Variants in CRB1 observed in about 807,000 individuals in gnomAD.
CRB1 encodes the protein crumbs cell polarity complex component 1.
A neutral mutation model predicts 120.0 loss-of-function variants in CRB1; 83 were observed. That is an observed-to-expected ratio of 0.69 (90% CI 0.58 to 0.83). The LOEUF (loss-of-function observed/expected upper bound fraction) is 0.83, where lower values mean the gene tolerates loss of function less well. CRB1 is among the 40% of genes least tolerant of loss of function. The pLI, the probability that CRB1 is intolerant of heterozygous loss-of-function variation, is 0.00. For missense variants in CRB1, 1,699 were observed against 1,687.6 expected (o/e 1.01, Z -0.12); for synonymous variants, 625 against 612.5 (o/e 1.02, Z -0.30).
At chr1:197,354,520 G>T (rs920946252) in intron 4 of CRB1, among the ~76,000 whole-genome samples, 1 of 152,138 alleles carries the variant, frequency 6.6e-6, no homozygotes, top group Non-Finnish European at 1.5e-5. Flanking sequence ...CTTCAAGAGT[G>T]AAGCCGCAGA....
intron 11 of CRB1, among the ~76,000 whole-genome samples, chr1:197,448,917 C>T (rs560227668): frequency 2.6e-5 from 4 of 152,206 alleles, no homozygotes; most frequent in Non-Finnish European, 5.9e-5. Context: ...TTTACAGTAA[C>T]ATGGAGATCT....
At position 197,311,698 on chromosome 1, in the gene CRB1, AGTGTGTGTGTGT is replaced by A. The variant is rs57455433; in HGVS notation, c.71-16687_71-16676del. The stretch of plus-strand genomic sequence containing the variant: ...AACACATGCATCACCTCATATAGTT[AGTGTGTGTGTGT>A]GTGTGTGTGTGTGTGTGTGTGTGTG... On this transcript the variant is annotated intron_variant, in intron 1 of 11. Coordinates refer to ENST00000367400, the MANE Select transcript of CRB1 (RefSeq NM_201253.3). 6.7e-3 allele frequency among the ~76,000 whole-genome samples: 929 copies of A among 138,972 alleles called. 11 individuals are homozygous for A. The highest frequency in any genetic ancestry group is 0.022 in the African/African-American group (828 of 37,938). The allele number at this position is 138,972 out of a possible 152,430, so 91.2% of individuals were successfully genotyped here. A position where few individuals can be genotyped will look rare whatever the true frequency, so the allele number is the denominator to read the frequency against.
At chr1:197,378,278 C>A (rs1661753855) in intron 5 of CRB1, among the ~76,000 whole-genome samples, 2 of 152,186 alleles carry the variant, frequency 1.3e-5, no homozygotes, top group Admixed American at 6.5e-5. Flanking sequence ...TTCGATCAAA[C>A]AAAATGTCCT....
At chr1:197,453,952 G>A (rs1294509847) in intron 11 of CRB1, among the ~76,000 whole-genome samples, 4 of 120,026 alleles carry the variant, frequency 3.3e-5, no homozygotes, top group African/African-American at 3.6e-5. Flanking sequence ...ATATATTATT[G>A]ATATTATTAT....
chr1:197,213,089 A>G, the CRB1 span, among the ~76,000 whole-genome samples: 2 of 152,196 alleles, frequency 1.3e-5, no homozygotes, highest in Non-Finnish European at 2.9e-5. Flanking sequence ...AATGGGAAAT[A>G]GCATTTCCCA....
chr1:197,341,993 G>A (rs1327408260), intron 2 of CRB1, among the ~76,000 whole-genome samples: 1 of 152,208 alleles, frequency 6.6e-6, no homozygotes, highest in African/African-American at 2.4e-5. Flanking sequence ...AGTGGTAGAG[G>A]TATATGGTAG....
chr1:197,250,796 G>A, the CRB1 span, among the ~76,000 whole-genome samples: 1 of 152,072 alleles, frequency 6.6e-6, no homozygotes, highest in African/African-American at 2.4e-5. Flanking sequence ...CCTCAGGGAG[G>A]AGCTGCACCT....
At chr1:197,272,159 A>T (rs1030882961) in intron 1 of CRB1, among the ~76,000 whole-genome samples, 2 of 152,172 alleles carry the variant, frequency 1.3e-5, no homozygotes, top group Non-Finnish European at 2.9e-5. Context: ...TTCATTAGGG[A>T]GTAATCACAT....
intron 5 of CRB1, among the ~76,000 whole-genome samples, chr1:197,387,990 C>A (rs971952089): frequency 2.0e-5 from 3 of 151,636 alleles, no homozygotes; most frequent in African/African-American, 7.3e-5. Context: ...AAACTCATCT[C>A]TCTCTCTCTC....
the CRB1 span, among the ~76,000 whole-genome samples, chr1:197,242,824 G>T: frequency 6.6e-6 from 1 of 152,118 alleles, no homozygotes; most frequent in African/African-American, 2.4e-5. Context: ...TGGTTGGTAG[G>T]TTATTTATTA....
chr1:197,284,226 G>A (rs936054246), intron 1 of CRB1, among the ~76,000 whole-genome samples: 1 of 151,874 alleles, frequency 6.6e-6, no homozygotes. Flanking sequence ...TGAAGAAAAT[G>A]CACAGGACCA....
chr1:197,258,437 A>T, the CRB1 span, among the ~76,000 whole-genome samples: 1 of 152,204 alleles, frequency 6.6e-6, no homozygotes, highest in Non-Finnish European at 1.5e-5. Context: ...CAATTCACTC[A>T]TAAAAATAAC....
At chr1:197,225,556 A>G in the CRB1 span, among the ~76,000 whole-genome samples, 1 of 152,216 alleles carries the variant, frequency 6.6e-6, no homozygotes, top group Non-Finnish European at 1.5e-5. Context: ...ACATAAATGA[A>G]TGGGCAATGA....
At chr1:197,317,807 A>G (rs148271407) in intron 1 of CRB1, among the ~76,000 whole-genome samples, 2 of 152,294 alleles carry the variant, frequency 1.3e-5, no homozygotes, top group East Asian at 3.9e-4. Context: ...AGAACAATGA[A>G]ACTAGACTCC....
At chr1:197,448,683 G>A (rs1665816569) in intron 11 of CRB1, among the ~76,000 whole-genome samples, 2 of 152,182 alleles carry the variant, frequency 1.3e-5, no homozygotes, top group Non-Finnish European at 2.9e-5. Flanking sequence ...TTCAGATCTT[G>A]TATAGACTCT....
At chr1:197,237,257 A>G in the CRB1 span, among the ~76,000 whole-genome samples, 3 of 152,212 alleles carry the variant, frequency 2.0e-5, no homozygotes, top group African/African-American at 7.2e-5. Flanking sequence ...TGTCATAACA[A>G]AATACTTTAA....
At chr1:197,358,369 C>G (rs1167157366) in intron 5 of CRB1, among the ~76,000 whole-genome samples, 1 of 152,086 alleles carries the variant, frequency 6.6e-6, no homozygotes. Context: ...CTGTGAAAGT[C>G]AAAGGACATT....
At chr1:197,433,136 T>C (rs1302406618) in intron 8 of CRB1, among the ~76,000 whole-genome samples, 1 of 151,834 alleles carries the variant, frequency 6.6e-6, no homozygotes, top group Non-Finnish European at 1.5e-5. Flanking sequence ...CTTCAAGCTA[T>C]CCACCCTCCT....
At position 197,453,578 on chromosome 1, in the gene CRB1, A is replaced by G. The variant is rs1266620416; in HGVS notation, c.4005+11286A>G. On this transcript the variant is annotated intron_variant, in intron 11 of 11. Coordinates refer to ENST00000367400, the MANE Select transcript of CRB1 (RefSeq NM_201253.3). ...GAGAGAGAGAGAGAGAGGGAGAGGG[A>G]GAGAGAGAGAGAGAGAGAGACAAGG... Among the ~76,000 whole-genome samples the G allele has an allele frequency of 6.6e-4, 92 of 138,764 alleles. 1 individual carries two copies. Among genetic ancestry groups the G allele is most frequent in the African/African-American group, 2.3e-3 (88 of 37,754 alleles). The allele number at this position is 138,764 out of a possible 152,430, so 91.0% of individuals were successfully genotyped here.
Sources: allele counts gnomAD v4.1 joint callset (sites outside exome capture counted in the v4.1 genomes callset), GRCh38; gene constraint gnomAD v4.1.1; transcripts MANE v1.5; gene names NCBI Gene and HGNC (gene_info 2026-07-23, HGNC 2026-07-21).